PDE11A: variants seen among roughly 807,000 people sequenced by gnomAD.
The protein encoded by PDE11A is phosphodiesterase 11A, also known as dual 3',5'-cyclic-AMP and -GMP phosphodiesterase 11A.
In PDE11A, 100 loss-of-function variants were observed where a neutral mutation model predicts 100.5. The ratio of observed to expected loss-of-function variants is 1.00; its 90% CI spans 0.85 to 1.18. The LOEUF is 1.18. Among genes scored for constraint, PDE11A ranks in the 50% most tolerant of loss-of-function variants. The pLI is 0.00. For synonymous variants in PDE11A, 381 were observed against 420.8 expected (o/e 0.91, Z 1.16); for missense variants, 1,141 against 1,152.6 (o/e 0.99, Z 0.15).
intron 12 of PDE11A, among the ~76,000 whole-genome samples, chr2:177,713,490 C>T (rs1455314192): frequency 1.3e-5 from 2 of 152,002 alleles, no homozygotes; most frequent in African/African-American, 2.4e-5. Context: ...TTTGGGAGGC[C>T]GAGGTGGGTA....
chr2:177,795,742 C>G (rs767116148), intron 9 of PDE11A, among the ~76,000 whole-genome samples: 3 of 151,124 alleles, frequency 2.0e-5, no homozygotes, highest in Non-Finnish European at 4.4e-5. Context: ...GTATATAGAT[C>G]AAATTAGGGA....
chr2:178,081,367 T>C (rs2087283063), intron 2 of PDE11A, among the ~76,000 whole-genome samples: 1 of 152,164 alleles, frequency 6.6e-6, no homozygotes, highest in African/African-American at 2.4e-5. Context: ...AATTTAAATG[T>C]CTTACCAGTT....
intron 19 of PDE11A, among the ~76,000 whole-genome samples, chr2:177,631,315 A>AAAC (rs1291399485): frequency 7.8e-4 from 34 of 43,502 alleles, no homozygotes; most frequent in Non-Finnish European, 1.4e-3. Context: ...AAAAAACAAA[A>AAAC]AAAAAAACAA....
intron 1 of PDE11A, among the ~76,000 whole-genome samples, chr2:178,030,402 G>A (rs530927570): frequency 7.9e-5 from 12 of 152,068 alleles, no homozygotes; most frequent in Non-Finnish European, 8.8e-5. Flanking sequence ...AAATATTCCC[G>A]TTAAACATAC....
At chr2:177,748,910 G>A (rs1402871971) in intron 10 of PDE11A, among the ~76,000 whole-genome samples, 2 of 152,264 alleles carry the variant, frequency 1.3e-5, no homozygotes, top group Admixed American at 1.3e-4. Flanking sequence ...ACACCTGCAG[G>A]TAGGTTATTT....
chr2:178,098,579 G>GCA (rs1332034238), intron 2 of PDE11A, among the ~76,000 whole-genome samples: 1 of 152,136 alleles, frequency 6.6e-6, no homozygotes, highest in Non-Finnish European at 1.5e-5. Flanking sequence ...AATTGTAGAG[G>GCA]CACATGGATA....
In PDE11A at chr2:177,629,886, C is replaced by T. The variant is rs78105081; in HGVS notation, c.2647-324G>A. Among the ~76,000 whole-genome samples the T allele has an allele frequency of 5.4e-3, 822 of 152,314 alleles. 5 individuals carry two copies. The highest frequency in any genetic ancestry group is 0.019 in the African/African-American group (801 of 41,564). ...GACAGGAAACAAAATATCCAGCTCA[C>T]ATATGCCTACTTACGTGTGCATCTT... On this transcript the variant is annotated intron_variant, in intron 19 of 19. Transcript: ENST00000286063.
chr2:177,849,970 T>C (rs1435935159), intron 5 of PDE11A, among the ~76,000 whole-genome samples: 1 of 152,152 alleles, frequency 6.6e-6, no homozygotes, highest in Non-Finnish European at 1.5e-5. Flanking sequence ...CAAGGTAATT[T>C]ATAGATTCAA....
chr2:177,692,547 G>A (rs1458649102), intron 15 of PDE11A, among the ~76,000 whole-genome samples: 1 of 152,112 alleles, frequency 6.6e-6, no homozygotes, highest in Non-Finnish European at 1.5e-5. Flanking sequence ...TCTCAAAGCT[G>A]GTGAAATTAC....
intron 12 of PDE11A, among the ~76,000 whole-genome samples, chr2:177,719,830 G>T (rs1362519711): frequency 1.3e-5 from 2 of 152,070 alleles, no homozygotes; most frequent in East Asian, 3.9e-4. Flanking sequence ...GCTCTTTGAA[G>T]GTTTCATTGT....
intron 1 of PDE11A, among the ~76,000 whole-genome samples, chr2:178,047,566 T>C (rs1322409754): frequency 1.3e-5 from 2 of 152,034 alleles, no homozygotes; most frequent in Non-Finnish European, 1.5e-5. Context: ...AATAGAGCTT[T>C]GTTACAAGTC....
At chr2:177,734,863 C>T (rs2081750697) in intron 10 of PDE11A, among the ~76,000 whole-genome samples, 1 of 152,188 alleles carries the variant, frequency 6.6e-6, no homozygotes, top group Non-Finnish European at 1.5e-5. Context: ...GATTTTTATA[C>T]TGATAGCAGC....
intron 2 of PDE11A, among the ~76,000 whole-genome samples, chr2:177,943,273 T>A (rs1440826338): frequency 1.3e-5 from 2 of 152,206 alleles, no homozygotes; most frequent in African/African-American, 4.8e-5. Context: ...TAGTTCTACT[T>A]TTAATTTTTT....
chr2:178,086,017 G>A (rs977130102), intron 2 of PDE11A, among the ~76,000 whole-genome samples: 2 of 152,198 alleles, frequency 1.3e-5, no homozygotes, highest in African/African-American at 4.8e-5. Context: ...CTGGAGACTT[G>A]ACTGGACTGG....
At chr2:178,027,666 AAAGGTCC>A (rs1336665362) in intron 1 of PDE11A, among the ~76,000 whole-genome samples, 8 of 152,152 alleles carry the variant, frequency 5.3e-5, no homozygotes, top group Admixed American at 1.3e-4. Context: ...TCTTATCATA[AAAGGTCC>A]AATTGACCTG....
At chr2:178,080,228 T>C (rs2087266874) in intron 2 of PDE11A, among the ~76,000 whole-genome samples, 1 of 152,230 alleles carries the variant, frequency 6.6e-6, no homozygotes, top group Admixed American at 6.5e-5. Flanking sequence ...ACAGTGCCTA[T>C]GTCTTGAATG....
Position 177,967,008 on chromosome 2 carries a change from T to C in PDE11A, c.1071+47294A>G, listed in dbSNP as rs557454757. 2.1e-4 allele frequency among the ~76,000 whole-genome samples: 32 copies of C among 152,198 alleles called. No homozygotes were observed. In the South Asian group the frequency reaches 6.2e-3, roughly 30 times the overall value. ...AGGTTTTCTTCTGGTTGGTAGGCTT[T>C]TATTACTGGTTCAATTTTGGAACAC... On this transcript the variant is annotated intron_variant, in intron 2 of 19. Coordinates refer to ENST00000286063, the MANE Select transcript of PDE11A (RefSeq NM_016953.4).
intron 4 of PDE11A, among the ~76,000 whole-genome samples, chr2:177,877,532 T>C (rs1285807367): frequency 2.0e-5 from 3 of 152,102 alleles, no homozygotes; most frequent in Non-Finnish European, 2.9e-5. Context: ...GAAGAACAGA[T>C]GGAAAGTCTG....
chr2:178,072,856 A>T, upstream of PDE11A: 1 of 1,157,176 alleles, frequency 8.6e-7, no homozygotes, highest in Non-Finnish European at 1.1e-6. Context: ...GGGAGGAGAG[A>T]AGAGGAGGGA....
Sources: gnomAD v4.1 joint callset for allele counts (sites outside exome capture counted in the v4.1 genomes callset) on GRCh38, gnomAD v4.1.1 for gene constraint, MANE v1.5 for transcripts, NCBI Gene and HGNC (gene_info 2026-07-23, HGNC 2026-07-21) for gene names.